The following DRD3 variants were observed in gnomAD, a reference collection of about 807,000 sequenced individuals.
The protein encoded by DRD3 is dopamine receptor D3.
Under a neutral mutation model 36.3 loss-of-function variants are expected in DRD3, and 19 were observed. The ratio of observed to expected loss-of-function variants is 0.52; its 90% confidence interval spans 0.36 to 0.77. The LOEUF (loss-of-function observed/expected upper bound fraction) is 0.77. Among genes scored for constraint, DRD3 ranks in the 30% least tolerant of loss-of-function variants. The pLI, the probability that DRD3 is intolerant of heterozygous loss-of-function variation, is 0.00. For missense variants in DRD3, 465 were observed against 505.3 expected, an observed-to-expected ratio of 0.92 and a Z score of 0.77; for synonymous variants, 195 against 203.7, an observed-to-expected ratio of 0.96 and a Z score of 0.36.
At chr3:114,155,092 AG>A (rs1219915768) in intron 3 of DRD3, among the ~76,000 whole-genome samples, 1 of 152,218 alleles carries the variant, frequency 6.6e-6, no homozygotes, top group Non-Finnish European at 1.5e-5. Context: ...ATTATAGATC[AG>A]GGCTTCATGA....
At chr3:114,169,469 C>G (rs1181918031) in intron 2 of DRD3, among the ~76,000 whole-genome samples, 1 of 151,638 alleles carries the variant, frequency 6.6e-6, no homozygotes, top group Non-Finnish European at 1.5e-5. Flanking sequence ...AAAAATCATG[C>G]TCTTATTGCT....
At chr3:114,168,966 T>A (rs2077812997) in intron 2 of DRD3, among the ~76,000 whole-genome samples, 1 of 151,322 alleles carries the variant, frequency 6.6e-6, no homozygotes, top group Admixed American at 6.6e-5. Context: ...GTTCTTCTCA[T>A]GTACATCTTA....
chr3:114,128,910 C>T lies in DRD3; in HGVS notation c.1009G>A (p.Ala337Thr), dbSNP rs76849972. ...AAGGGCAGCCAGCAGACAATGAAGG[C>T]CCCTAAGTTGCCAAATAAGAGAGAA... ...ATQMVAIVLGAFIVCWLPFFL... is the reference protein window; with the variant it reads ...ATQMVAIVLGTFIVCWLPFFL... Residue 337 changes from alanine to threonine, a missense_variant and splice_region_variant, in exon 7 of 7, where the codon GCC becomes ACC. Physicochemically the swap from Ala to Thr is moderately conservative, Grantham distance 58. Transcript: ENST00000383673. 6.3e-7 allele frequency: 1 copy of T among 1,576,696 alleles called. No individual in the cohort carries two copies. Among genetic ancestry groups the T allele is most frequent in the Non-Finnish European group, 8.6e-7 (1 of 1,162,474 alleles).
At chr3:114,177,890 G>C (rs1222273978) in intron 1 of DRD3, among the ~76,000 whole-genome samples, 2 of 152,182 alleles carry the variant, frequency 1.3e-5, no homozygotes, top group Non-Finnish European at 2.9e-5. Context: ...TTTAGTATCA[G>C]TAAGCAAAGG....
intron 5 of DRD3, among the ~76,000 whole-genome samples, chr3:114,135,745 A>G (rs1044588591): frequency 3.0e-4 from 45 of 151,856 alleles, no homozygotes; most frequent in African/African-American, 1.0e-3. Context: ...GCTGGAGTGT[A>G]GTGGTGAAAT....
intron 5 of DRD3, among the ~76,000 whole-genome samples, chr3:114,136,349 T>A (rs1052570811): frequency 6.6e-6 from 1 of 152,186 alleles, no homozygotes; most frequent in African/African-American, 2.4e-5. Flanking sequence ...TTGGTGAGTG[T>A]ATTTTTCAGC....
intron 1 of DRD3, among the ~76,000 whole-genome samples, chr3:114,192,193 C>A (rs995085012): frequency 6.6e-6 from 1 of 152,114 alleles, no homozygotes; most frequent in Non-Finnish European, 1.5e-5. Flanking sequence ...GAAGTGAGGA[C>A]AAAAATTAGG....
chr3:114,137,321 G>A (rs2077483206), intron 5 of DRD3, among the ~76,000 whole-genome samples: 1 of 152,232 alleles, frequency 6.6e-6, no homozygotes, highest in African/African-American at 2.4e-5. Flanking sequence ...AGAAGACTGG[G>A]CAGGGGGTGT....
chr3:114,171,941 C>T lies in DRD3; in HGVS notation c.52G>A (p.Glu18Lys). 1 of 1,582,712 alleles carries T rather than the reference C, an allele frequency of 6.3e-7. No homozygotes were observed. The highest frequency in any genetic ancestry group is 8.6e-7 in the Non-Finnish European group (1 of 1,163,568). ...SGHLNYTCGA[E>K]NSTGASQARP... is the part of the protein sequence containing the mutation. ...GCCTGGCTGGCACCTGTGGAGTTCTCTGCCCCACAGGTGTAGTTCAGGTGG... is the reference window on the plus strand; with the variant it reads ...GCCTGGCTGGCACCTGTGGAGTTCTTTGCCCCACAGGTGTAGTTCAGGTGG... The change falls in exon 2 of 7, where the codon GAG (glutamate) becomes AAG (lysine). Residue 18 changes from glutamate to lysine, a missense_variant. Glu to Lys is a moderately conservative substitution (Grantham distance 56, BLOSUM62 1). Transcript: ENST00000383673.
intron 6 of DRD3, among the ~76,000 whole-genome samples, chr3:114,130,406 C>T (rs2077418369): frequency 6.6e-6 from 1 of 151,138 alleles, no homozygotes; most frequent in African/African-American, 2.4e-5. Flanking sequence ...CTTTTTTACT[C>T]TGTATTTAAA....
chr3:114,131,088 C>T (rs771118247), intron 6 of DRD3, 30 bp downstream of exon 6: 11 of 1,603,718 alleles, frequency 6.9e-6, no homozygotes, highest in South Asian at 2.2e-5. Flanking sequence ...CTAACCCAAC[C>T]CAACACAGCT....
chr3:114,134,488 C>T (rs533346679), intron 5 of DRD3, among the ~76,000 whole-genome samples: 9 of 152,186 alleles, frequency 5.9e-5, no homozygotes, highest in East Asian at 1.9e-4. Context: ...GGCATGATCT[C>T]GGCTCATTGC....
intron 4 of DRD3, 101 bp downstream of exon 4, chr3:114,147,314 G>A: frequency 2.7e-6 from 4 of 1,460,196 alleles, no homozygotes; most frequent in Non-Finnish European, 3.8e-6. Flanking sequence ...AAAGTACACT[G>A]ACCGGGGGTC....
Position 114,131,168 on chromosome 3 carries a change from C to A in DRD3, c.956G>T (p.Gly319Val). The A allele has an allele frequency of 6.2e-7, 1 of 1,614,212 alleles. No individual in the cohort carries two copies. Among genetic ancestry groups the A allele is most frequent in the Non-Finnish European group, 8.5e-7 (1 of 1,180,044 alleles). Residue 319 changes from glycine to valine, a missense_variant, in exon 6 of 7, where the codon GGA becomes GTA. Physicochemically the swap from Gly to Val is moderately radical, Grantham distance 109. Transcript: ENST00000383673. Reference protein sequence around the residue: ...SLKLGPLQPRGVPLREKKATQ... With the variant: ...SLKLGPLQPRVVPLREKKATQ... ...TGCCTTCTTCTCCCGAAGTGGCACT[C>A]CCCGAGGTTGCAGGGGCCCCAGCTT...
At position 114,127,799 on chromosome 3, in the gene DRD3, T is replaced by C. The variant is rs191518548; in HGVS notation, c.*917A>G. Among the ~76,000 whole-genome samples the C allele has an allele frequency of 2.7e-4, 41 of 152,356 alleles. No individual in the cohort carries two copies. Among genetic ancestry groups the C allele is most frequent in the African/African-American group, 9.6e-4 (40 of 41,586 alleles). ...ATTATCTTATGAGACCACCGTTGTATATGTGGTCCACTGTTGCCCAAAATG... is the reference window on the plus strand; with the variant it reads ...ATTATCTTATGAGACCACCGTTGTACATGTGGTCCACTGTTGCCCAAAATG... On this transcript the variant is annotated 3_prime_UTR_variant, in exon 7 of 7. Transcript: ENST00000383673.
intron 1 of DRD3, among the ~76,000 whole-genome samples, chr3:114,191,439 G>A (rs2078010309): frequency 6.6e-6 from 1 of 152,194 alleles, no homozygotes; most frequent in African/African-American, 2.4e-5. Context: ...AAAGGCCAGT[G>A]TTGCTGGGTG....
At chr3:114,188,520 A>G (rs1056310597) in intron 1 of DRD3, among the ~76,000 whole-genome samples, 1 of 152,138 alleles carries the variant, frequency 6.6e-6, no homozygotes, top group African/African-American at 2.4e-5. Flanking sequence ...CCCCATTTCA[A>G]CACTTCTGCT....
rs1039939505 is a variant in DRD3, at chr3:114,147,657, C to A, written c.384-100G>T. 2.8e-6 allele frequency: 4 copies of A among 1,412,520 alleles called. No homozygotes were observed. The Admixed American group carries it at 8.0e-5, about 28-fold the overall frequency. 87.5% of individuals were successfully genotyped at this position (1,412,520 alleles called of 1,614,324 possible). ...TGTTGTTTTTGGAGACAGGGTCTCA[C>A]TCTGTCACCCAGGCAGAAGTGCAGT... On this transcript the variant is annotated intron_variant, in intron 3 of 6. Coordinates refer to ENST00000383673, the MANE Select transcript of DRD3 (RefSeq NM_000796.6).
chr3:114,146,830 C>T (rs1238818355), intron 4 of DRD3, among the ~76,000 whole-genome samples: 2 of 152,024 alleles, frequency 1.3e-5, no homozygotes, highest in Non-Finnish European at 2.9e-5. Flanking sequence ...GCATTTCAGA[C>T]ATATATATTG....
Sources: gnomAD v4.1 joint callset for allele counts (sites outside exome capture counted in the v4.1 genomes callset) on GRCh38, gnomAD v4.1.1 for gene constraint, MANE v1.5 for transcripts, NCBI Gene and HGNC (gene_info 2026-07-23, HGNC 2026-07-21) for gene names.